The following GPC5 variants were observed in gnomAD, a reference collection of about 807,000 sequenced individuals.
The protein encoded by GPC5 is glypican-5.
A neutral mutation model predicts 53.9 loss-of-function variants in GPC5; 47 were observed. That is an observed-to-expected ratio of 0.87 (90% CI 0.69 to 1.11). The LOEUF (loss-of-function observed/expected upper bound fraction) is 1.11, where lower values mean the gene tolerates loss of function less well. Ranked by LOEUF, GPC5 falls within the 50% of genes most tolerant of loss-of-function variation. The pLI is 0.00. For synonymous variants in GPC5, 286 were observed against 263.3 expected (o/e 1.09, Z -0.84); for missense variants, 748 against 713.1 (o/e 1.05, Z -0.56).
At chr13:92,475,998 C>G (rs1879111374) in intron 7 of GPC5, among the ~76,000 whole-genome samples, 1 of 152,062 alleles carries the variant, frequency 6.6e-6, no homozygotes, top group Admixed American at 6.6e-5. Context: ...GACTTCATGT[C>G]TAAAACACCA....
intron 3 of GPC5, among the ~76,000 whole-genome samples, chr13:91,703,615 T>C (rs1273981712): frequency 1.3e-5 from 2 of 152,146 alleles, no homozygotes; most frequent in Non-Finnish European, 2.9e-5. Flanking sequence ...TTTATTTTCT[T>C]TTAGTGTCCT....
At chr13:91,555,421 G>T (rs764955887) in intron 2 of GPC5, among the ~76,000 whole-genome samples, 3 of 149,524 alleles carry the variant, frequency 2.0e-5, no homozygotes, top group Non-Finnish European at 3.0e-5. Context: ...CTAACTGCAC[G>T]TGTTTTACCA....
Position 91,702,627 on chromosome 13 carries a change from T to C in GPC5, c.1020+8746T>C, listed in dbSNP as rs140962884. Among the ~76,000 whole-genome samples the C allele has an allele frequency of 9.6e-3, 1,456 of 152,188 alleles. 29 individuals are homozygous for C. Among genetic ancestry groups the C allele is most frequent in the African/African-American group, 0.034 (1,394 of 41,558 alleles). On this transcript the variant is annotated intron_variant, in intron 3 of 7. Transcript: ENST00000377067. Reference sequence around the variant, plus strand: ...ATATTGCTTTACTATTTGTAGTCTTTTGTGGTTCCATACAAATTTTAGGAT... The same window carrying C: ...ATATTGCTTTACTATTTGTAGTCTTCTGTGGTTCCATACAAATTTTAGGAT...
At chr13:91,745,714 A>T (rs2037034847) in intron 4 of GPC5, among the ~76,000 whole-genome samples, 1 of 152,050 alleles carries the variant, frequency 6.6e-6, no homozygotes, top group South Asian at 2.1e-4. Context: ...GAGCAGACTT[A>T]ACAACTTGCT....
chr13:92,664,936 T>C (rs1886520115), intron 7 of GPC5, among the ~76,000 whole-genome samples: 1 of 152,146 alleles, frequency 6.6e-6, no homozygotes. Context: ...CATTATAAAA[T>C]GACCATTCCA....
At chr13:91,697,470 A>G (rs2035903802) in intron 3 of GPC5, among the ~76,000 whole-genome samples, 1 of 152,140 alleles carries the variant, frequency 6.6e-6, no homozygotes, top group Non-Finnish European at 1.5e-5. Context: ...CTCCCAAAGT[A>G]AACATTTATT....
intron 7 of GPC5, among the ~76,000 whole-genome samples, chr13:92,359,982 T>C (rs2043553135): frequency 1.3e-5 from 2 of 151,754 alleles, no homozygotes; most frequent in South Asian, 4.1e-4. Flanking sequence ...ATATTAGACC[T>C]TTGTCACATA....
At chr13:92,189,964 C>A (rs1464337908) in intron 7 of GPC5, among the ~76,000 whole-genome samples, 1 of 152,064 alleles carries the variant, frequency 6.6e-6, no homozygotes, top group Non-Finnish European at 1.5e-5. Flanking sequence ...ACAATTTTCC[C>A]AAATTCATGT....
chr13:92,103,571 G>A (rs2041483391), intron 6 of GPC5, among the ~76,000 whole-genome samples: 1 of 151,796 alleles, frequency 6.6e-6, no homozygotes, highest in Non-Finnish European at 1.5e-5. Flanking sequence ...AGCTATTTTT[G>A]GAGAACCCAA....
intron 5 of GPC5, among the ~76,000 whole-genome samples, chr13:91,841,330 T>C (rs1264416269): frequency 6.7e-6 from 1 of 149,968 alleles, no homozygotes; most frequent in Non-Finnish European, 1.5e-5. Flanking sequence ...TTGCAGAATA[T>C]GGAGTGAGAA....
At chr13:91,793,044 G>C (rs558028528) in intron 5 of GPC5, among the ~76,000 whole-genome samples, 2 of 152,292 alleles carry the variant, frequency 1.3e-5, no homozygotes, top group Admixed American at 1.3e-4. Flanking sequence ...ATGATAAGGA[G>C]ATGTATTAGT....
At chr13:92,399,551 A>G (rs1369074988) in intron 7 of GPC5, among the ~76,000 whole-genome samples, 3 of 152,000 alleles carry the variant, frequency 2.0e-5, no homozygotes, top group African/African-American at 7.2e-5. Context: ...CACACACACA[A>G]ACTAAAACCA....
intron 6 of GPC5, among the ~76,000 whole-genome samples, chr13:92,122,363 G>C (rs937480665): frequency 6.6e-6 from 1 of 151,252 alleles, no homozygotes; most frequent in East Asian, 2.0e-4. Context: ...TCAGATGTCC[G>C]AAACTTCTGA....
chr13:91,665,986 A>C, intron 2 of GPC5, among the ~76,000 whole-genome samples: 1 of 152,180 alleles, frequency 6.6e-6, no homozygotes, highest in East Asian at 1.9e-4. Flanking sequence ...TCTCTTTACC[A>C]TCTCAGATCT....
intron 2 of GPC5, among the ~76,000 whole-genome samples, chr13:91,520,893 G>A (rs1301431243): frequency 5.3e-5 from 8 of 152,008 alleles, no homozygotes; most frequent in Admixed American, 5.2e-4. Flanking sequence ...GGGGGTTTTG[G>A]TAACTTTCAA....
intron 6 of GPC5, among the ~76,000 whole-genome samples, chr13:92,101,739 T>C (rs1021269795): frequency 1.2e-4 from 19 of 152,200 alleles, no homozygotes; most frequent in Non-Finnish European, 2.1e-4. Flanking sequence ...AGTGACCTGT[T>C]CCAAAAAGTC....
chr13:92,157,406 G>T (rs2041952540), intron 7 of GPC5, among the ~76,000 whole-genome samples: 1 of 152,176 alleles, frequency 6.6e-6, no homozygotes, highest in Non-Finnish European at 1.5e-5. Flanking sequence ...GGTCATATGT[G>T]TTTGCTAATT....
At chr13:91,653,126 AC>A (rs1365545456) in intron 2 of GPC5, among the ~76,000 whole-genome samples, 1 of 152,184 alleles carries the variant, frequency 6.6e-6, no homozygotes, top group Non-Finnish European at 1.5e-5. Flanking sequence ...GTATTCTCTA[AC>A]AAAAAGATGA....
At chr13:92,553,380 C>A (rs1348629603) in intron 7 of GPC5, among the ~76,000 whole-genome samples, 2 of 151,954 alleles carry the variant, frequency 1.3e-5, no homozygotes, top group African/African-American at 2.4e-5. Flanking sequence ...TTGTACCAAC[C>A]AACTAAACTC....
Sources: allele counts gnomAD v4.1 joint callset (sites outside exome capture counted in the v4.1 genomes callset), GRCh38; gene constraint gnomAD v4.1.1; transcripts MANE v1.5; gene names NCBI Gene and HGNC (gene_info 2026-07-23, HGNC 2026-07-21).